Variants in XYLT1 observed in about 807,000 individuals in gnomAD.
XYLT1 encodes xylosyltransferase 1, also known as beta-D-xylosyltransferase 1.
XYLT1 carries 36 observed loss-of-function variants against 91.3 expected under a neutral mutation model. That is an observed-to-expected ratio of 0.39 (90% CI 0.30 to 0.52). The LOEUF is 0.52. Among genes scored for constraint, XYLT1 ranks in the 20% least tolerant of loss-of-function variants. XYLT1 has a pLI of 0.68. For missense variants in XYLT1, 1,242 were observed against 1,284.5 expected (o/e 0.97, Z 0.51); for synonymous variants, 588 against 532.0 (o/e 1.11, Z -1.45).
intron 10 of XYLT1, among the ~76,000 whole-genome samples, chr16:17,124,065 G>A (rs1042068911): frequency 1.3e-5 from 2 of 152,094 alleles, no homozygotes; most frequent in Admixed American, 1.3e-4. Context: ...GCAGACACTT[G>A]GTTGGTGAAT....
At chr16:17,434,575 G>A (rs950437641) in intron 1 of XYLT1, among the ~76,000 whole-genome samples, 1 of 152,156 alleles carries the variant, frequency 6.6e-6, no homozygotes, top group Non-Finnish European at 1.5e-5. Context: ...AAAACAATGG[G>A]GCCAGGCACA....
At chr16:17,327,106 T>C (rs2034816091) in intron 2 of XYLT1, among the ~76,000 whole-genome samples, 1 of 152,230 alleles carries the variant, frequency 6.6e-6, no homozygotes, top group African/African-American at 2.4e-5. Context: ...GAATGATGTG[T>C]TCATTCATTT....
chr16:17,395,701 C>G (rs1307759645), intron 1 of XYLT1, among the ~76,000 whole-genome samples: 1 of 152,186 alleles, frequency 6.6e-6, no homozygotes, highest in Non-Finnish European at 1.5e-5. Context: ...AGATCAATTA[C>G]CAGGAGATCA....
rs1162527820 is a variant in XYLT1, at chr16:17,340,908, T to TA, written c.402+17103dup. 3.3e-5 allele frequency among the ~76,000 whole-genome samples: 5 copies of TA among 152,112 alleles called. No individual in the cohort carries two copies. In the South Asian group the frequency reaches 8.3e-4, roughly 25 times the overall value. On this transcript the variant is annotated intron_variant, in intron 2 of 11. Transcript: ENST00000261381. ...CTATGGAATTCACAAATACCCCATG[T>TA]AAAAAAATGCTTAGATCCACTCATA...
intron 3 of XYLT1, among the ~76,000 whole-genome samples, chr16:17,207,892 C>T (rs1027146915): frequency 3.3e-5 from 5 of 152,182 alleles, no homozygotes; most frequent in African/African-American, 9.7e-5. Context: ...CAAGCCAGCA[C>T]CTGTCAGGTC....
chr16:17,111,811 G>A (rs760372864), intron 11 of XYLT1, among the ~76,000 whole-genome samples: 6 of 152,282 alleles, frequency 3.9e-5, no homozygotes, highest in African/African-American at 4.8e-5. Flanking sequence ...ACTCTGTCTC[G>A]CAAGGGGTTT....
chr16:17,455,582 C>CTAAA (rs71137993), intron 1 of XYLT1, among the ~76,000 whole-genome samples: 33,168 of 144,006 alleles, frequency 0.23, 4,111 homozygotes, highest in African/African-American at 0.28. Context: ...GACTCCATCT[C>CTAAA]TAAATAAATA....
intron 2 of XYLT1, among the ~76,000 whole-genome samples, chr16:17,334,652 T>C (rs2034950999): frequency 1.3e-5 from 2 of 152,082 alleles, no homozygotes; most frequent in African/African-American, 4.8e-5. Context: ...GCAAGGACAG[T>C]GAGAAGTACA....
Position 17,289,736 on chromosome 16 carries a change from CA to C in XYLT1, c.403-30239del, listed in dbSNP as rs528603289. On this transcript the variant is annotated intron_variant, in intron 2 of 11. Coordinates refer to ENST00000261381, the MANE Select transcript of XYLT1 (RefSeq NM_022166.4). The stretch of plus-strand genomic sequence containing the variant: ...GTACCTAGGAAAATTTGACTGGCTC[CA>C]AAAAAAAGTTTGCAAAAAACCAAAA... 2.9e-3 allele frequency among the ~76,000 whole-genome samples: 445 copies of C among 151,752 alleles called. 4 individuals carry two copies. The highest frequency in any genetic ancestry group is 0.01 in the African/African-American group (420 of 41,322).
chr16:17,256,414 G>A (rs1472634596), intron 3 of XYLT1, among the ~76,000 whole-genome samples: 1 of 152,004 alleles, frequency 6.6e-6, no homozygotes, highest in Non-Finnish European at 1.5e-5. Context: ...GCACTTTGGG[G>A]GGCCGAGGCG....
intron 11 of XYLT1, among the ~76,000 whole-genome samples, chr16:17,113,285 GCACCCGT>G (rs952265112): frequency 2.5e-4 from 38 of 151,986 alleles, no homozygotes; most frequent in Admixed American, 1.4e-3. Flanking sequence ...GGGATTTCAG[GCACCCGT>G]CACCATGCCT....
intron 2 of XYLT1, among the ~76,000 whole-genome samples, chr16:17,331,444 C>T (rs2034897857): frequency 6.6e-6 from 1 of 152,240 alleles, no homozygotes; most frequent in Non-Finnish European, 1.5e-5. Flanking sequence ...TCTGTGGAAA[C>T]AGTACATGGA....
At chr16:17,288,495 C>T (rs1369371380) in intron 2 of XYLT1, among the ~76,000 whole-genome samples, 1 of 152,144 alleles carries the variant, frequency 6.6e-6, no homozygotes, top group Non-Finnish European at 1.5e-5. Context: ...ACCGACTGTA[C>T]TGATGGTCCC....
intron 1 of XYLT1, among the ~76,000 whole-genome samples, chr16:17,459,032 C>A (rs1471146275): frequency 6.6e-6 from 1 of 151,978 alleles, no homozygotes; most frequent in Non-Finnish European, 1.5e-5. Context: ...ATGTTTGTAT[C>A]ATATGGTTTT....
intron 2 of XYLT1, among the ~76,000 whole-genome samples, chr16:17,352,008 G>C (rs898427694): frequency 3.3e-5 from 5 of 152,122 alleles, no homozygotes; most frequent in African/African-American, 1.2e-4. Flanking sequence ...GCATACACCT[G>C]TAGTCCCAAC....
chr16:17,330,014 T>C (rs2034870609), intron 2 of XYLT1, among the ~76,000 whole-genome samples: 1 of 151,946 alleles, frequency 6.6e-6, no homozygotes. Context: ...GAGGGTTAAA[T>C]GAGAACAGTA....
chr16:17,211,150 A>C (rs1036650877), intron 3 of XYLT1, among the ~76,000 whole-genome samples: 3 of 152,190 alleles, frequency 2.0e-5, no homozygotes, highest in Non-Finnish European at 4.4e-5. Context: ...TGGCAGGTGG[A>C]ATGTGGATAT....
intron 11 of XYLT1, among the ~76,000 whole-genome samples, chr16:17,110,091 G>A (rs890159827): frequency 1.3e-5 from 2 of 152,158 alleles, no homozygotes; most frequent in Admixed American, 6.5e-5. Context: ...GCAGCCCCAC[G>A]TCCAACATAC....
chr16:17,419,752 T>C (rs1351875486), intron 1 of XYLT1, among the ~76,000 whole-genome samples: 1 of 152,116 alleles, frequency 6.6e-6, no homozygotes, highest in Non-Finnish European at 1.5e-5. Context: ...ACACTTAATA[T>C]AGGGAAAAGC....
Sources: gnomAD v4.1 joint callset for allele counts (sites outside exome capture counted in the v4.1 genomes callset) on GRCh38, gnomAD v4.1.1 for gene constraint, MANE v1.5 for transcripts, NCBI Gene and HGNC (gene_info 2026-07-23, HGNC 2026-07-21) for gene names.